Variants in ARHGEF10L observed in about 807,000 individuals in gnomAD.
ARHGEF10L encodes the protein rho guanine nucleotide exchange factor 10-like protein.
A neutral mutation model predicts 141.2 loss-of-function variants in ARHGEF10L; 69 were observed. That is an observed-to-expected ratio of 0.49 (90% CI 0.40 to 0.60). ARHGEF10L has a LOEUF of 0.60. Ranked by LOEUF, ARHGEF10L falls within the 20% of genes least tolerant of loss-of-function variation. ARHGEF10L has a pLI of 0.00. For synonymous variants in ARHGEF10L, 711 were observed against 718.5 expected (o/e 0.99, Z 0.17); for missense variants, 1,482 against 1,734.3 (o/e 0.85, Z 2.58).
At chr1:17,632,602 A>G (rs924676004) in intron 16 of ARHGEF10L, 136 bp downstream of exon 16, 19 of 1,169,016 alleles carry the variant, frequency 1.6e-5, no homozygotes, top group Admixed American at 7.5e-5. Flanking sequence ...TTCCTCTCCC[A>G]TCCCTCTTGC....
intron 1 of ARHGEF10L, among the ~76,000 whole-genome samples, chr1:17,565,841 GT>G (rs1327634101): frequency 6.6e-6 from 1 of 152,160 alleles, no homozygotes; most frequent in Non-Finnish European, 1.5e-5. Flanking sequence ...AGAGGCGGCT[GT>G]ACATATTCCC....
intron 9 of ARHGEF10L, among the ~76,000 whole-genome samples, chr1:17,616,670 G>A (rs1381288723): frequency 6.6e-6 from 1 of 152,236 alleles, no homozygotes; most frequent in African/African-American, 2.4e-5. Flanking sequence ...TGTTGGCACA[G>A]CGCGGGAGAC....
chr1:17,663,070 C>T (rs1040608194), intron 25 of ARHGEF10L, among the ~76,000 whole-genome samples: 6 of 152,176 alleles, frequency 3.9e-5, no homozygotes, highest in African/African-American at 1.2e-4. Flanking sequence ...GGGCAGCCAC[C>T]GGGGTTCTGT....
chr1:17,630,153 T>C (rs1396530718), intron 15 of ARHGEF10L, among the ~76,000 whole-genome samples: 1 of 152,228 alleles, frequency 6.6e-6, no homozygotes, highest in African/African-American at 2.4e-5. Context: ...TGGCCAGTTC[T>C]GTGACCTGTT....
intron 1 of ARHGEF10L, among the ~76,000 whole-genome samples, chr1:17,570,944 C>A (rs1327533354): frequency 6.6e-6 from 1 of 151,978 alleles, no homozygotes; most frequent in Non-Finnish European, 1.5e-5. Flanking sequence ...CTGGGAGGAG[C>A]AGGGTTCTTT....
chr1:17,664,305 C>T, intron 25 of ARHGEF10L, 142 bp from the exon 26 acceptor site: 1 of 942,212 alleles, frequency 1.1e-6, no homozygotes. Context: ...CAGCCACCAC[C>T]CAGCTGATGG....
chr1:17,634,414 T>C, intron 16 of ARHGEF10L, 134 bp from the exon 17 acceptor site: 1 of 1,465,422 alleles, frequency 6.8e-7, no homozygotes, highest in South Asian at 1.2e-5. Flanking sequence ...ATGCCCTCAT[T>C]CCCCGCAGGA....
rs2080871747 is a variant in ARHGEF10L at position 17,603,340 on chromosome 1, G to GAGCCGGCATCCCCTGAGGGC, written c.350-164_350-145dup. On this transcript the variant is annotated intron_variant, in intron 5 of 28. Coordinates refer to ENST00000361221, the MANE Select transcript of ARHGEF10L (RefSeq NM_018125.4). The surrounding 1 kb of genome is among the most constrained non-coding windows in gnomAD (Gnocchi z 4.8). Reference sequence around the variant, plus strand: ...GGGTGGGGGGCGGGGAGAAGCGAGGGAGCCGGCATCCCCTGAGGGCAGCTG... The same window carrying GAGCCGGCATCCCCTGAGGGC: ...GGGTGGGGGGCGGGGAGAAGCGAGGGAGCCGGCATCCCCTGAGGGCAGCCGGCATCCCCTGAGGGCAGCTG... Among the ~76,000 whole-genome samples the GAGCCGGCATCCCCTGAGGGC allele has an allele frequency of 6.6e-6, 1 of 150,912 alleles. No homozygotes were observed. The highest frequency in any genetic ancestry group is 2.0e-4 in the East Asian group (1 of 5,076).
In ARHGEF10L at chr1:17,648,647, C is replaced by A; in HGVS notation, c.2366C>A (p.Ala789Asp). The stretch of plus-strand genomic sequence containing the variant: ...CCGATCCTGGCCTGCTGCATCCCTG[C>A]CTTCTCCTCCCGGGCACTCAGCCTG... ...WCPILACCIP[A>D]FSSRALSLQL... The change falls in exon 22 of 29, where the codon GCC becomes GAC. Residue 789 changes from alanine to aspartate, a missense_variant. Transcript: ENST00000361221. 1 of 1,612,918 alleles carries A rather than the reference C, an allele frequency of 6.2e-7. No homozygotes were observed. Among genetic ancestry groups the A allele is most frequent in the Non-Finnish European group, 8.5e-7 (1 of 1,180,014 alleles).
At chr1:17,569,313 A>G (rs12751597) in intron 1 of ARHGEF10L, among the ~76,000 whole-genome samples, 2,185 of 152,204 alleles carry the variant, frequency 0.014, 23 homozygotes, top group Middle Eastern at 0.041. Context: ...ACAGCACATC[A>G]CTGAGGGGTG....
At chr1:17,557,751 G>A (rs1178805711) in intron 1 of ARHGEF10L, among the ~76,000 whole-genome samples, 1 of 152,206 alleles carries the variant, frequency 6.6e-6, no homozygotes, top group East Asian at 1.9e-4. Context: ...TAATTGTAAG[G>A]CCAGACACAG....
intron 1 of ARHGEF10L, among the ~76,000 whole-genome samples, chr1:17,580,073 A>C (rs899058394): frequency 1.9e-4 from 29 of 152,236 alleles, no homozygotes; most frequent in African/African-American, 6.5e-4. Context: ...GCAGAGTCAG[A>C]GTGGCCTTCA....
At position 17,602,205 on chromosome 1, in the gene ARHGEF10L, G is replaced by C. The variant is rs767583894; in HGVS notation, c.336G>C (p.Lys112Asn). The C allele has an allele frequency of 6.4e-7, 1 of 1,573,584 alleles. No individual in the cohort carries two copies. The highest frequency in any genetic ancestry group is 1.4e-5 in the African/African-American group (1 of 73,894). The change falls in exon 5 of 29, where the codon AAG (lysine) becomes AAC (asparagine). Residue 112 changes from lysine (K) to asparagine (N), a missense_variant. Coordinates refer to ENST00000361221, the MANE Select transcript of ARHGEF10L (RefSeq NM_018125.4). Reference sequence around the variant, plus strand: ...CCCGGCACTCCAGCTGGAAGCGGAAGAGTTCCCGTCGCAGTAAGTCTCCCC... The same window carrying C: ...CCCGGCACTCCAGCTGGAAGCGGAACAGTTCCCGTCGCAGTAAGTCTCCCC... ...SGARHSSWKR[K>N]SSRRIDRFTF...
chr1:17,626,082 A>T (rs1271562697), intron 14 of ARHGEF10L, 34 bp downstream of exon 14: 1 of 1,601,284 alleles, frequency 6.2e-7, no homozygotes, highest in South Asian at 1.1e-5. Flanking sequence ...TTCAACCCAC[A>T]GGGTTTGCCT....
rs537230463 is a variant in ARHGEF10L at position 17,648,401 on chromosome 1, C to T, written c.2273-153C>T. On this transcript the variant is annotated intron_variant, in intron 21 of 28. Transcript: ENST00000361221. Reference sequence around the variant, plus strand: ...CGGCATCACTCCTGAGGCTGGATTTCATCTCAGTCCGGCAGGAGTAGGGTG... The same window carrying T: ...CGGCATCACTCCTGAGGCTGGATTTTATCTCAGTCCGGCAGGAGTAGGGTG... Among the ~76,000 whole-genome samples the T allele has an allele frequency of 4.6e-5, 7 of 152,300 alleles. No individual in the cohort carries two copies. In the South Asian group the frequency reaches 1.4e-3, roughly 32 times the overall value.
chr1:17,648,589 G>A lies in ARHGEF10L; in HGVS notation c.2308G>A (p.Glu770Lys). The A allele has an allele frequency of 6.2e-7, 1 of 1,613,762 alleles. No homozygotes were observed. Among genetic ancestry groups the A allele is most frequent in the Non-Finnish European group, 8.5e-7 (1 of 1,180,022 alleles). The change falls in exon 22 of 29, where the codon GAG (glutamate) becomes AAG (lysine). Residue 770 changes from glutamate to lysine, a missense_variant. Around this residue, in one of 3 missense-constraint regions of ARHGEF10L, gnomAD observed 858 missense variants for 966.3 expected, o/e 0.89. Transcript: ENST00000361221. ...ENQPGWLCPD[E>K]DKKSKAPFWC... ...CCAGCCAGGCTGGCTATGCCCGGAT[G>A]AGGACAAGAAGAGCAAAGCCCCATT...
intron 2 of ARHGEF10L, 53 bp downstream of exon 2, chr1:17,580,685 C>T: frequency 6.2e-7 from 1 of 1,610,976 alleles, no homozygotes; most frequent in Non-Finnish European, 8.5e-7. Context: ...AAGGGGGCCG[C>T]TGGGGGCCGG....
intron 1 of ARHGEF10L, among the ~76,000 whole-genome samples, chr1:17,542,099 A>G (rs569482911): frequency 1.3e-5 from 2 of 152,142 alleles, no homozygotes; most frequent in East Asian, 1.9e-4. Flanking sequence ...AGATTGTGCC[A>G]CTGCACTCCA....
Position 17,539,821 on chromosome 1 carries a change from C to A in ARHGEF10L, c.-173C>A. ...CGGCCATTGGCTCGGGTGGCGGCGG[C>A]TGCGGCGGTGGGGGCGCCGTCCCGG... On this transcript the variant is annotated 5_prime_UTR_variant, in exon 1 of 29. It adds an upstream start codon to the 5' untranslated region. Coordinates refer to ENST00000361221, the MANE Select transcript of ARHGEF10L (RefSeq NM_018125.4). This position sits in a 1 kb window ranked among gnomAD's most constrained non-coding sequence, Gnocchi z 6.0. The A allele has an allele frequency of 6.8e-6, 1 of 146,642 alleles. No individual in the cohort carries two copies. Among genetic ancestry groups the A allele is most frequent in the South Asian group, 1.8e-4 (1 of 5,484 alleles). The allele number at this position is 146,642 out of a possible 1,614,324, so 9.1% of individuals were successfully genotyped here. A position where few individuals can be genotyped will look rare whatever the true frequency, so the allele number is the denominator to read the frequency against.
Sources: allele counts gnomAD v4.1 joint callset (sites outside exome capture counted in the v4.1 genomes callset), GRCh38; gene constraint gnomAD v4.1.1; regional missense constraint gnomAD v4.1.1; non-coding constraint Gnocchi (gnomAD v3.1); transcripts MANE v1.5; gene names NCBI Gene and HGNC (gene_info 2026-07-23, HGNC 2026-07-21).